MTUS2: variants seen among roughly 807,000 people sequenced by gnomAD.
MTUS2 encodes the protein microtubule associated scaffold protein 2, also known as microtubule-associated tumor suppressor candidate 2.
Under a neutral mutation model 114.1 loss-of-function variants are expected in MTUS2, and 40 were observed. The observed-to-expected ratio is 0.35, with a 90% CI of 0.27 to 0.46. The LOEUF is 0.46. Ranked by LOEUF, MTUS2 falls within the 20% of genes least tolerant of loss-of-function variation. MTUS2 has a pLI of 1.00. For missense variants in MTUS2, 1,679 were observed against 1,705.4 expected (o/e 0.98, Z 0.27); for synonymous variants, 688 against 672.0 (o/e 1.02, Z -0.37).
intron 5 of MTUS2, among the ~76,000 whole-genome samples, chr13:29,105,729 G>C (rs1890637099): frequency 6.6e-6 from 1 of 151,282 alleles, no homozygotes; most frequent in East Asian, 1.9e-4. Flanking sequence ...TGGGCAGAGA[G>C]GCTGACGTTC....
chr13:28,984,677 C>T (rs1884500280), intron 2 of MTUS2, among the ~76,000 whole-genome samples: 1 of 152,174 alleles, frequency 6.6e-6, no homozygotes, highest in Admixed American at 6.5e-5. Context: ...AGGAGATCCT[C>T]AATACTTTCT....
intron 5 of MTUS2, among the ~76,000 whole-genome samples, chr13:29,199,368 A>G (rs1894839809): frequency 6.6e-6 from 1 of 152,190 alleles, no homozygotes; most frequent in South Asian, 2.1e-4. Context: ...TGTTCCATAA[A>G]TACTTAGTTT....
At chr13:28,839,675 T>C (rs753756858) in intron 1 of MTUS2, 103 bp from the exon 2 acceptor site, 15 of 152,232 alleles carry the variant, frequency 9.9e-5, no homozygotes, top group Admixed American at 2.0e-4. Flanking sequence ...ACTTCTGAAC[T>C]AACTTTATGT....
In MTUS2 at chr13:29,480,342, T is replaced by G. The variant is rs775146567; in HGVS notation, c.3377T>G (p.Ile1126Ser). 1.3e-6 allele frequency: 2 copies of G among 1,542,636 alleles called. No homozygotes were observed. The highest frequency in any genetic ancestry group is 2.7e-5 in the African/African-American group (2 of 73,064). ...QEEHGDQLLS[I>S]RCQHQEQVED... The stretch of plus-strand genomic sequence containing the variant: ...GAGCACGGTGACCAGCTGCTGAGCA[T>G]CCGGTGTCAACACCAGGAGCAGGTC... The change falls in exon 10 of 16, where the codon ATC becomes AGC. Residue 1126 changes from isoleucine (I) to serine (S), a missense_variant. Transcript: ENST00000612955. This position sits in a 1 kb window ranked among gnomAD's most constrained non-coding sequence, Gnocchi z 4.4.
At chr13:29,362,559 T>A (rs975962925) in intron 8 of MTUS2, among the ~76,000 whole-genome samples, 1 of 152,144 alleles carries the variant, frequency 6.6e-6, no homozygotes, top group East Asian at 1.9e-4. Context: ...TGGTGGCACG[T>A]GCCTGTGATC....
At chr13:29,199,550 A>C (rs962380414) in intron 5 of MTUS2, among the ~76,000 whole-genome samples, 58 of 152,236 alleles carry the variant, frequency 3.8e-4, no homozygotes, top group African/African-American at 1.4e-3. Context: ...CGAGTTGATC[A>C]TGGTGGATAA....
intron 8 of MTUS2, among the ~76,000 whole-genome samples, chr13:29,379,200 A>T (rs1042427304): frequency 1.3e-5 from 2 of 152,192 alleles, no homozygotes; most frequent in Non-Finnish European, 2.9e-5. Context: ...AGAACAGACT[A>T]ATACACTTCA....
chr13:29,125,252 A>G (rs1056630025), intron 5 of MTUS2, among the ~76,000 whole-genome samples: 3 of 152,190 alleles, frequency 2.0e-5, no homozygotes, highest in Middle Eastern at 3.2e-3. Flanking sequence ...TTTACATCCA[A>G]TAGTGGTAGC....
intron 5 of MTUS2, among the ~76,000 whole-genome samples, chr13:29,102,810 C>G (rs1470280107): frequency 1.3e-5 from 2 of 152,122 alleles, no homozygotes; most frequent in Non-Finnish European, 2.9e-5. Context: ...TGTTTCTGTT[C>G]TTTAGCGAAG....
intron 8 of MTUS2, among the ~76,000 whole-genome samples, chr13:29,365,769 C>T (rs941500953): frequency 4.6e-5 from 7 of 152,150 alleles, no homozygotes; most frequent in African/African-American, 1.7e-4. Flanking sequence ...ACCTGGCCAT[C>T]CCACTCAACC....
At chr13:29,226,996 G>A (rs954829148) in intron 5 of MTUS2, among the ~76,000 whole-genome samples, 1 of 152,134 alleles carries the variant, frequency 6.6e-6, no homozygotes, top group African/African-American at 2.4e-5. Flanking sequence ...GGTGGGTCAT[G>A]CCTGTAATCC....
intron 5 of MTUS2, among the ~76,000 whole-genome samples, chr13:29,106,676 T>G (rs1222959179): frequency 1.3e-5 from 2 of 152,158 alleles, no homozygotes; most frequent in Non-Finnish European, 2.9e-5. Flanking sequence ...GCTTTTTGCC[T>G]TCTTTTCTGT....
chr13:29,150,214 C>T (rs1049049019), intron 5 of MTUS2, among the ~76,000 whole-genome samples: 4 of 152,082 alleles, frequency 2.6e-5, no homozygotes, highest in African/African-American at 9.7e-5. Flanking sequence ...TGTAGTTCTC[C>T]TTGAAGAGAT....
At chr13:29,135,820 T>G (rs1401909223) in intron 5 of MTUS2, among the ~76,000 whole-genome samples, 1 of 152,210 alleles carries the variant, frequency 6.6e-6, no homozygotes, top group Non-Finnish European at 1.5e-5. Flanking sequence ...CTTTAACAGC[T>G]TTGTTTCTAC....
In MTUS2 at chr13:29,361,468, T is replaced by A. The variant is rs533936130; in HGVS notation, c.3117+1995T>A. 2.5e-3 allele frequency among the ~76,000 whole-genome samples: 377 copies of A among 152,288 alleles called. 5 individuals are homozygous for A. The highest frequency in any genetic ancestry group is 8.6e-3 in the African/African-American group (359 of 41,546). Reference sequence around the variant, plus strand: ...AAACAGAAGATAAAATGTTTTTTTTTTAAAAAGTTAAAGTCCTAATTGAAC... The same window carrying A: ...AAACAGAAGATAAAATGTTTTTTTTATAAAAAGTTAAAGTCCTAATTGAAC... On this transcript the variant is annotated intron_variant, in intron 8 of 15. Transcript: ENST00000612955.
At chr13:28,953,058 A>G (rs1315761144) in intron 2 of MTUS2, among the ~76,000 whole-genome samples, 3 of 152,182 alleles carry the variant, frequency 2.0e-5, no homozygotes, top group Admixed American at 6.5e-5. Context: ...TCTGTTAGCA[A>G]TAAGTGCTAA....
intron 4 of MTUS2, among the ~76,000 whole-genome samples, chr13:29,048,397 G>T (rs1344913415): frequency 6.6e-6 from 1 of 152,208 alleles, no homozygotes; most frequent in Non-Finnish European, 1.5e-5. Context: ...AACCCTGCTT[G>T]TTTGCATCCC....
chr13:29,040,520 C>A (rs1293000539), intron 4 of MTUS2, among the ~76,000 whole-genome samples: 2 of 152,138 alleles, frequency 1.3e-5, no homozygotes, highest in Non-Finnish European at 2.9e-5. Flanking sequence ...ACTTTTAGTT[C>A]TTTAAGGAGT....
chr13:29,191,501 C>T (rs923727127), intron 5 of MTUS2, among the ~76,000 whole-genome samples: 11 of 152,100 alleles, frequency 7.2e-5, no homozygotes, highest in African/African-American at 2.7e-4. Context: ...CCTTGTGTGC[C>T]CTGTGTTCTT....
Sources: allele counts gnomAD v4.1 joint callset (sites outside exome capture counted in the v4.1 genomes callset), GRCh38; gene constraint gnomAD v4.1.1; non-coding constraint Gnocchi (gnomAD v3.1); transcripts MANE v1.5; gene names NCBI Gene and HGNC (gene_info 2026-07-23, HGNC 2026-07-21).